The following FBXO33 variants were observed in gnomAD, a reference collection of about 807,000 sequenced individuals.
FBXO33 encodes F-box protein 33, also known as F-box only protein 33.
FBXO33 carries 22 observed loss-of-function variants against 46.3 expected under a neutral mutation model. The ratio of observed to expected loss-of-function variants is 0.48; its 90% CI spans 0.34 to 0.68. The LOEUF is 0.68. Among genes scored for constraint, FBXO33 ranks in the 30% least tolerant of loss-of-function variants. The pLI, the probability that FBXO33 is intolerant of heterozygous loss-of-function variation, is 0.01. For missense variants in FBXO33, 692 were observed against 708.8 expected (o/e 0.98, Z 0.27); for synonymous variants, 337 against 291.3 (o/e 1.16, Z -1.60).
At chr14:39,418,774 CA>C (rs1237168650) in intron 1 of FBXO33, among the ~76,000 whole-genome samples, 88 of 60,132 alleles carry the variant, frequency 1.5e-3, no homozygotes, top group Admixed American at 2.5e-3. Context: ...GACTCCGTCT[CA>C]AAAAAAAAAA....
At position 39,399,484 on chromosome 14, in the gene FBXO33, T is replaced by C. The variant is rs2075358464; in HGVS notation, c.*32A>G. The C allele has an allele frequency of 6.3e-7, 1 of 1,580,392 alleles. No individual in the cohort carries two copies. Among genetic ancestry groups the C allele is most frequent in the Non-Finnish European group, 8.6e-7 (1 of 1,162,462 alleles). On this transcript the variant is annotated 3_prime_UTR_variant, in exon 4 of 4. Coordinates refer to ENST00000298097, the MANE Select transcript of FBXO33 (RefSeq NM_203301.4). ...AACATAATAGGACCCTACTTGCATA[T>C]GTAACCACAGGAATTCTACATTAAA...
intron 1 of FBXO33, among the ~76,000 whole-genome samples, chr14:39,408,683 T>A (rs2139406423): frequency 6.6e-6 from 1 of 151,636 alleles, no homozygotes; most frequent in Non-Finnish European, 1.5e-5. Context: ...TATTTTTTTT[T>A]TTTTTCAGTA....
chr14:39,417,681 C>A (rs1242889135), intron 1 of FBXO33, among the ~76,000 whole-genome samples: 2 of 152,158 alleles, frequency 1.3e-5, no homozygotes, highest in Admixed American at 6.5e-5. Flanking sequence ...CAGGCATGCA[C>A]CACCATGCCC....
At chr14:39,408,686 T>C (rs1352204635) in intron 1 of FBXO33, among the ~76,000 whole-genome samples, 1 of 151,646 alleles carries the variant, frequency 6.6e-6, no homozygotes, top group Non-Finnish European at 1.5e-5. Context: ...TTTTTTTTTT[T>C]TTCAGTAGAT....
chr14:39,430,402 A>G (rs1420608667), intron 1 of FBXO33, among the ~76,000 whole-genome samples: 3 of 152,228 alleles, frequency 2.0e-5, no homozygotes, highest in Non-Finnish European at 4.4e-5. Context: ...ATATCTATAT[A>G]TATCTCCTAG....
At position 39,397,717 on chromosome 14, in the gene FBXO33, T is replaced by G. The variant is rs991962248; in HGVS notation, c.*1799A>C. On this transcript the variant is annotated 3_prime_UTR_variant, in exon 4 of 4. Coordinates refer to ENST00000298097, the MANE Select transcript of FBXO33 (RefSeq NM_203301.4). The stretch of plus-strand genomic sequence containing the variant: ...ATTGCAGTTTATTTAACACTAAAAG[T>G]AGTCATGCTTCATATACAATAAAAT... The G allele has an allele frequency of 6.6e-6, 1 of 152,664 alleles. No homozygotes were observed. The highest frequency in any genetic ancestry group is 2.4e-5 in the African/African-American group (1 of 41,464). The allele number at this position is 152,664 out of a possible 1,614,324, so 9.5% of individuals were successfully genotyped here.
chr14:39,403,710 C>T (rs1216101530), intron 1 of FBXO33, among the ~76,000 whole-genome samples: 1 of 151,930 alleles, frequency 6.6e-6, no homozygotes, highest in Admixed American at 6.6e-5. Context: ...CTAGATATTT[C>T]ATTTATAACA....
intron 1 of FBXO33, among the ~76,000 whole-genome samples, chr14:39,417,377 G>C (rs1360474978): frequency 2.0e-5 from 3 of 152,202 alleles, no homozygotes; most frequent in Admixed American, 6.5e-5. Context: ...GATTCTCTTT[G>C]CTCTGAACTA....
At chr14:39,429,858 A>G (rs1267848396) in intron 1 of FBXO33, among the ~76,000 whole-genome samples, 2 of 152,228 alleles carry the variant, frequency 1.3e-5, no homozygotes, top group Non-Finnish European at 2.9e-5. Flanking sequence ...AGAGAAGGAC[A>G]GGAGAATTAA....
At chr14:39,431,141 C>G (rs903429543) in intron 1 of FBXO33, among the ~76,000 whole-genome samples, 1 of 152,180 alleles carries the variant, frequency 6.6e-6, no homozygotes, top group Non-Finnish European at 1.5e-5. Flanking sequence ...CTCCTTCCCT[C>G]ACCATGAACT....
Position 39,399,601 on chromosome 14 carries a change from A to T in FBXO33, c.1583T>A (p.Val528Asp). The T allele has an allele frequency of 6.2e-7, 1 of 1,613,876 alleles. No homozygotes were observed. The highest frequency in any genetic ancestry group is 8.5e-7 in the Non-Finnish European group (1 of 1,179,904). ...GACACTGAGTGATTCGATGTCCATG[A>T]CTGCATGCCAAGGTTGACCCAGGCC... Reference protein sequence around the residue: ...SLGLGQPWHAVMDIESLSVFT... With the variant: ...SLGLGQPWHADMDIESLSVFT... Residue 528 changes from valine to aspartate, a missense_variant, in exon 4 of 4, where the codon GTC becomes GAC. By Grantham distance (152) the Val-to-Asp change is radical (BLOSUM62 -3). Around this residue, in one of 3 missense-constraint regions of FBXO33, gnomAD observed 94 missense variants for 91.9 expected, o/e 1.02. Coordinates refer to ENST00000298097, the MANE Select transcript of FBXO33 (RefSeq NM_203301.4).
chr14:39,399,466 T>A lies in FBXO33; in HGVS notation c.*50A>T. The A allele has an allele frequency of 6.6e-7, 1 of 1,514,368 alleles. No individual in the cohort carries two copies. Among genetic ancestry groups the A allele is most frequent in the South Asian group, 1.3e-5 (1 of 78,192 alleles). The allele number at this position is 1,514,368 out of a possible 1,614,324, so 93.8% of individuals were successfully genotyped here. A position where few individuals can be genotyped will look rare whatever the true frequency, so the allele number is the denominator to read the frequency against. On this transcript the variant is annotated 3_prime_UTR_variant, in exon 4 of 4. Transcript: ENST00000298097. The stretch of plus-strand genomic sequence containing the variant: ...TCACACTACTGAAAAAAAAACATAA[T>A]AGGACCCTACTTGCATATGTAACCA...
At chr14:39,410,484 T>G (rs2139407835) in intron 1 of FBXO33, among the ~76,000 whole-genome samples, 1 of 152,300 alleles carries the variant, frequency 6.6e-6, no homozygotes, top group African/African-American at 2.4e-5. Flanking sequence ...TGACCTATAG[T>G]TTTATTGTTA....
chr14:39,405,296 T>A (rs777639417), intron 1 of FBXO33, among the ~76,000 whole-genome samples: 7 of 152,116 alleles, frequency 4.6e-5, no homozygotes, highest in Non-Finnish European at 8.8e-5. Context: ...TGGAGTTTTG[T>A]TGGTCAATGT....
chr14:39,401,137 T>C (rs991130891), intron 3 of FBXO33, 39 bp downstream of exon 3: 56 of 1,526,426 alleles, frequency 3.7e-5, no homozygotes, highest in Non-Finnish European at 4.9e-5. Flanking sequence ...GTTTTCGGTC[T>C]AATTCCAGTA....
chr14:39,423,398 A>G (rs2075494778), intron 1 of FBXO33, among the ~76,000 whole-genome samples: 1 of 152,210 alleles, frequency 6.6e-6, no homozygotes, highest in Non-Finnish European at 1.5e-5. Flanking sequence ...TGTATACGGT[A>G]TGATCCAGAA....
chr14:39,428,791 T>A (rs2075529082), intron 1 of FBXO33, among the ~76,000 whole-genome samples: 1 of 152,196 alleles, frequency 6.6e-6, no homozygotes, highest in South Asian at 2.1e-4. Flanking sequence ...TATCTATTTG[T>A]TGTTTGCACT....
intron 1 of FBXO33, among the ~76,000 whole-genome samples, chr14:39,417,732 T>C (rs1190156853): frequency 6.6e-6 from 1 of 152,120 alleles, no homozygotes; most frequent in Non-Finnish European, 1.5e-5. Context: ...GGTTTCACCA[T>C]GTTGGCCAGG....
chr14:39,412,279 C>T (rs868786348), intron 1 of FBXO33, among the ~76,000 whole-genome samples: 2 of 152,272 alleles, frequency 1.3e-5, no homozygotes, highest in East Asian at 1.9e-4. Flanking sequence ...GTTTTGTCTT[C>T]CTGACTGACC....
Sources: allele counts gnomAD v4.1 joint callset (sites outside exome capture counted in the v4.1 genomes callset), GRCh38; gene constraint gnomAD v4.1.1; regional missense constraint gnomAD v4.1.1; transcripts MANE v1.5; gene names NCBI Gene and HGNC (gene_info 2026-07-23, HGNC 2026-07-21).